Variants in DDHD1 observed in about 807,000 individuals in gnomAD.
The protein encoded by DDHD1 is phospholipase DDHD1.
DDHD1 carries 49 observed loss-of-function variants against 96.4 expected under a neutral mutation model. That is an observed-to-expected ratio of 0.51 (90% CI 0.40 to 0.64). DDHD1 has a LOEUF of 0.64. Among genes scored for constraint, DDHD1 ranks in the 30% least tolerant of loss-of-function variants. The pLI, the probability that DDHD1 is intolerant of heterozygous loss-of-function variation, is 0.00. For missense variants in DDHD1, 1,106 were observed against 1,161.2 expected, an observed-to-expected ratio of 0.95 and a Z score of 0.69; for synonymous variants, 442 against 446.5, an observed-to-expected ratio of 0.99 and a Z score of 0.13.
At chr14:53,050,100 T>A (rs1179422000) in intron 12 of DDHD1, among the ~76,000 whole-genome samples, 1 of 152,078 alleles carries the variant, frequency 6.6e-6, no homozygotes, top group Non-Finnish European at 1.5e-5. Context: ...AGAGGTACAG[T>A]AAAGGACTCT....
At chr14:53,053,928 T>A (rs1882822979) in intron 11 of DDHD1, 1 of 152,294 alleles carries the variant, frequency 6.6e-6, no homozygotes, top group Non-Finnish European at 1.5e-5. Context: ...TATTTACTCA[T>A]TTTTTCAATA....
intron 10 of DDHD1, 32 bp from the exon 11 acceptor site, chr14:53,054,661 T>A (rs755353745): frequency 6.2e-6 from 10 of 1,602,906 alleles, no homozygotes; most frequent in Non-Finnish European, 8.5e-6. Context: ...AGTCATTCTG[T>A]TGAATCACAC....
chr14:53,079,497 G>T (rs1168153795), intron 4 of DDHD1, among the ~76,000 whole-genome samples: 1 of 152,118 alleles, frequency 6.6e-6, no homozygotes, highest in Non-Finnish European at 1.5e-5. Context: ...AGTTTTGGTA[G>T]TTTGCTTCTA....
At chr14:53,099,579 C>T (rs549232123) in intron 2 of DDHD1, among the ~76,000 whole-genome samples, 1 of 152,174 alleles carries the variant, frequency 6.6e-6, no homozygotes, top group Non-Finnish European at 1.5e-5. Context: ...TGCACTTACC[C>T]ATTCAGTTCA....
intron 1 of DDHD1, among the ~76,000 whole-genome samples, chr14:53,151,279 AAGTT>A (rs1191424905): frequency 3.9e-5 from 6 of 152,048 alleles, no homozygotes; most frequent in African/African-American, 1.5e-4. Context: ...GAAGACATCT[AAGTT>A]AGGGCATTGG....
At chr14:53,072,760 A>G in intron 5 of DDHD1, 57 bp from the exon 6 acceptor site, 1 of 1,163,390 alleles carries the variant, frequency 8.6e-7, no homozygotes, top group Non-Finnish European at 1.2e-6. Flanking sequence ...GTTACAGGAA[A>G]GTAATAGTGA....
intron 1 of DDHD1, among the ~76,000 whole-genome samples, chr14:53,122,319 G>T (rs1889055852): frequency 6.6e-6 from 1 of 152,082 alleles, no homozygotes; most frequent in Admixed American, 6.5e-5. Flanking sequence ...CACCTACTCA[G>T]GCAGCTTACA....
chr14:53,146,148 GT>G (rs1319474616), intron 1 of DDHD1, among the ~76,000 whole-genome samples: 5 of 152,044 alleles, frequency 3.3e-5, no homozygotes, highest in Non-Finnish European at 7.4e-5. Context: ...AGAGGTTGCA[GT>G]GAGCTGAGAT....
Position 53,137,747 on chromosome 14 carries a change from T to G in DDHD1, c.838+14514A>C, listed in dbSNP as rs1428677615. On this transcript the variant is annotated intron_variant, in intron 1 of 12. Coordinates refer to ENST00000673822, the MANE Select transcript of DDHD1 (RefSeq NM_001160148.2). ...GGGGTAGGATGAACAGAAAAATAAA[T>G]TTGGAGAATAGCCAAATTTGATGAA... is the stretch of plus-strand genomic sequence containing the variant. 2.0e-5 allele frequency among the ~76,000 whole-genome samples: 3 copies of G among 152,120 alleles called. No individual in the cohort carries two copies. The East Asian group carries it at 5.8e-4, about 29-fold the overall frequency.
In DDHD1 at chr14:53,113,345, TTTTC is replaced by T. The variant is rs904909971; in HGVS notation, c.839-9493_839-9490del. Reference sequence around the variant, plus strand: ...TGCATATAGCCATTCTATATTTTCTTTTTCTTTTTTTTTTCTTTTTAAAAAAAAA... The same window carrying T: ...TGCATATAGCCATTCTATATTTTCTTTTTTTTTTTTCTTTTTAAAAAAAAA... On this transcript the variant is annotated intron_variant, in intron 1 of 12. Transcript: ENST00000673822. 5.8e-4 allele frequency among the ~76,000 whole-genome samples: 87 copies of T among 149,616 alleles called. 2 individuals are homozygous for T. The South Asian group carries it at 0.013, about 23-fold the overall frequency.
At chr14:53,076,379 CAG>C (rs1884961302) in intron 4 of DDHD1, among the ~76,000 whole-genome samples, 1 of 152,050 alleles carries the variant, frequency 6.6e-6, no homozygotes, top group Non-Finnish European at 1.5e-5. Context: ...CTAAAATAAG[CAG>C]AGTGTGAAGA....
chr14:53,108,180 C>T (rs888050098), intron 1 of DDHD1, among the ~76,000 whole-genome samples: 1 of 152,210 alleles, frequency 6.6e-6, no homozygotes, highest in Non-Finnish European at 1.5e-5. Context: ...TCCATCCCTC[C>T]GGATCCGGCA....
intron 6 of DDHD1, among the ~76,000 whole-genome samples, chr14:53,067,757 C>T (rs1884166804): frequency 6.6e-6 from 1 of 152,196 alleles, no homozygotes; most frequent in Admixed American, 6.5e-5. Flanking sequence ...GTGCCCTGCC[C>T]AGCCTCTTAT....
intron 4 of DDHD1, among the ~76,000 whole-genome samples, chr14:53,084,907 G>A (rs186346894): frequency 1.6e-4 from 25 of 152,308 alleles, no homozygotes; most frequent in Admixed American, 1.0e-3. Context: ...TGGGAAAATC[G>A]AGACACTGCC....
rs756809006 is a variant in DDHD1, at chr14:53,096,841, C to T, written c.1013-3397G>A. Among the ~76,000 whole-genome samples the T allele has an allele frequency of 9.2e-5, 14 of 151,880 alleles. 1 individual carries two copies. The highest frequency in any genetic ancestry group is 1.8e-4 in the Non-Finnish European group (12 of 67,836). On this transcript the variant is annotated intron_variant, in intron 2 of 12. Coordinates refer to ENST00000673822, the MANE Select transcript of DDHD1 (RefSeq NM_001160148.2). ...ACTGGAAGCTCTGCTTTTAACTTTG[C>T]TTTTGAAAAGACTGTAATAAAATAA...
At chr14:53,050,258 G>T (rs1882418381) in intron 12 of DDHD1, among the ~76,000 whole-genome samples, 1 of 152,174 alleles carries the variant, frequency 6.6e-6, no homozygotes, top group South Asian at 2.1e-4. Flanking sequence ...GGAAGCATGG[G>T]GTATGAAGAG....
chr14:53,090,967 T>C (rs1207045989), intron 4 of DDHD1, among the ~76,000 whole-genome samples: 2 of 152,178 alleles, frequency 1.3e-5, no homozygotes, highest in African/African-American at 4.8e-5. Context: ...AGCATTGCAT[T>C]ATTATTATAG....
At chr14:53,105,313 CAG>C (rs1421551440) in intron 1 of DDHD1, among the ~76,000 whole-genome samples, 2 of 151,946 alleles carry the variant, frequency 1.3e-5, no homozygotes, top group African/African-American at 2.4e-5. Context: ...TGGCTAACTT[CAG>C]GTTTGAGACA....
At chr14:53,138,340 G>GGCTGCAGTGAGCCAAAATTGTGCC (rs1409211549) in intron 1 of DDHD1, among the ~76,000 whole-genome samples, 2 of 152,204 alleles carry the variant, frequency 1.3e-5, no homozygotes, top group African/African-American at 2.4e-5. Flanking sequence ...TGGAGATGGA[G>GGCTGCAGTGAGCCAAAATTGTGCC]GCTGCAGTGA....
Sources: allele counts gnomAD v4.1 joint callset (sites outside exome capture counted in the v4.1 genomes callset), GRCh38; gene constraint gnomAD v4.1.1; transcripts MANE v1.5; gene names NCBI Gene and HGNC (gene_info 2026-07-23, HGNC 2026-07-21).